TBX20: variants seen among roughly 807,000 people sequenced by gnomAD.
TBX20 encodes T-box transcription factor 20.
TBX20 carries 8 observed loss-of-function variants against 42.9 expected under a neutral mutation model. The ratio of observed to expected loss-of-function variants is 0.19; its 90% CI spans 0.11 to 0.34. The LOEUF is 0.34. Ranked by LOEUF, TBX20 falls within the 10% of genes least tolerant of loss-of-function variation. The probability of loss-of-function intolerance (pLI) is 1.00; values close to 1 mark genes in which losing one functional copy is unlikely to be tolerated. For synonymous variants in TBX20, 198 were observed against 222.8 expected (o/e 0.89, Z 0.99); for missense variants, 411 against 566.0 (o/e 0.73, Z 2.78).
At chr7:35,242,141 C>T (rs1387431671) in intron 4 of TBX20, among the ~76,000 whole-genome samples, 1 of 152,104 alleles carries the variant, frequency 6.6e-6, no homozygotes, top group East Asian at 1.9e-4. Flanking sequence ...TCTTGGCTAA[C>T]CTGGGCAAGG....
At chr7:35,238,445 C>T (rs555271826) in intron 5 of TBX20, among the ~76,000 whole-genome samples, 1 of 152,282 alleles carries the variant, frequency 6.6e-6, no homozygotes, top group African/African-American at 2.4e-5. Context: ...ATGATAAAAG[C>T]AATGAGGTTT....
At chr7:35,214,270 C>G (rs1397694796) in intron 6 of TBX20, among the ~76,000 whole-genome samples, 1 of 152,090 alleles carries the variant, frequency 6.6e-6, no homozygotes, top group African/African-American at 2.4e-5. Context: ...TGACTGAATG[C>G]TAAAGTCGGT....
intron 6 of TBX20, among the ~76,000 whole-genome samples, chr7:35,210,190 C>T (rs1202570852): frequency 6.6e-6 from 1 of 150,562 alleles, no homozygotes; most frequent in Non-Finnish European, 1.5e-5. Flanking sequence ...TCTCAGCTCA[C>T]TGCAAGCTCT....
At chr7:35,251,610 C>A (rs746556538) in intron 1 of TBX20, among the ~76,000 whole-genome samples, 7 of 152,190 alleles carry the variant, frequency 4.6e-5, no homozygotes, top group Middle Eastern at 3.4e-3. Context: ...AAGAGGCAAA[C>A]TCCCTAAGCC....
At chr7:35,253,466 C>T in intron 1 of TBX20, 28 bp downstream of exon 1, 4 of 1,600,734 alleles carry the variant, frequency 2.5e-6, no homozygotes, top group Non-Finnish European at 3.4e-6. Flanking sequence ...CCCCAGTCCT[C>T]GGCGGACAGC....
intron 6 of TBX20, among the ~76,000 whole-genome samples, chr7:35,225,261 AAATGT>A (rs1789749680): frequency 6.6e-6 from 1 of 152,212 alleles, no homozygotes; most frequent in African/African-American, 2.4e-5. Context: ...TTTCCAATAA[AAATGT>A]AATGTGAGTC....
At chr7:35,215,295 T>G (rs1376079365) in intron 6 of TBX20, among the ~76,000 whole-genome samples, 3 of 152,206 alleles carry the variant, frequency 2.0e-5, no homozygotes, top group East Asian at 3.8e-4. Flanking sequence ...AATTATTGCC[T>G]AAGTGATTGA....
At chr7:35,223,781 G>A (rs1239958033) in intron 6 of TBX20, among the ~76,000 whole-genome samples, 3 of 152,030 alleles carry the variant, frequency 2.0e-5, no homozygotes, top group East Asian at 1.9e-4. Context: ...GAAAGAAATG[G>A]GAAAAGAGAA....
chr7:35,235,650 G>A (rs1411153062), intron 5 of TBX20, among the ~76,000 whole-genome samples: 1 of 152,144 alleles, frequency 6.6e-6, no homozygotes, highest in Non-Finnish European at 1.5e-5. Flanking sequence ...TACTAATTCA[G>A]TCCAAAACAC....
intron 6 of TBX20, among the ~76,000 whole-genome samples, chr7:35,209,613 G>A (rs772822366): frequency 4.6e-5 from 7 of 151,752 alleles, no homozygotes; most frequent in Non-Finnish European, 8.8e-5. Flanking sequence ...TCTACTTTTT[G>A]TTCATTGATT....
intron 6 of TBX20, among the ~76,000 whole-genome samples, chr7:35,229,342 G>A (rs1329063338): frequency 6.6e-6 from 1 of 152,016 alleles, no homozygotes; most frequent in African/African-American, 2.4e-5. Context: ...ACTGACTCCA[G>A]ACTAATTTAA....
At chr7:35,250,343 G>A in intron 1 of TBX20, 140 bp from the exon 2 acceptor site, 5 of 1,039,554 alleles carry the variant, frequency 4.8e-6, no homozygotes, top group South Asian at 4.2e-5. Context: ...CTGTAGGGAT[G>A]ACCCATCATC....
At chr7:35,250,249 A>G in intron 1 of TBX20, 46 bp from the exon 2 acceptor site, 3 of 1,597,928 alleles carry the variant, frequency 1.9e-6, no homozygotes, top group Non-Finnish European at 1.7e-6. Flanking sequence ...CTGTTCAACA[A>G]GGAAAGATCT....
Position 35,204,570 on chromosome 7 carries a change from C to T in TBX20, c.903G>A (p.Glu301=). 1.9e-6 allele frequency: 3 copies of T among 1,613,422 alleles called. No individual in the cohort carries two copies. Among genetic ancestry groups the T allele is most frequent in the Non-Finnish European group, 2.5e-6 (3 of 1,179,462 alleles). The change falls in exon 7 of 8, where the codon GAG becomes GAA. Residue 301 remains glutamate, a synonymous_variant. Transcript: ENST00000408931. ...RLTDIERESV[E]SLIQKHSYAR... ...CATAGGAATGCTTTTGAATCAGGCT[C>T]TCCACACTTTCCCTAGGTTAGAGTG...
intron 5 of TBX20, among the ~76,000 whole-genome samples, chr7:35,237,043 C>G (rs1295176332): frequency 1.3e-5 from 2 of 151,498 alleles, no homozygotes; most frequent in African/African-American, 4.8e-5. Flanking sequence ...TCAGTGGTCA[C>G]TTCCTTGGCC....
In TBX20 at chr7:35,204,022, A is replaced by G. The variant is rs558184337; in HGVS notation, c.1003+448T>C. Among the ~76,000 whole-genome samples the G allele has an allele frequency of 2.6e-5, 4 of 152,310 alleles. No homozygotes were observed. The South Asian group carries it at 8.3e-4, about 32-fold the overall frequency. On this transcript the variant is annotated intron_variant, in intron 7 of 7. Transcript: ENST00000408931. ...CTATGTAATATCCTTCATTAGGACA[A>G]TCCTCTTTTAAAAGTGTTTTCTATT...
At chr7:35,232,099 C>T (rs1357292417) in intron 5 of TBX20, among the ~76,000 whole-genome samples, 2 of 152,270 alleles carry the variant, frequency 1.3e-5, no homozygotes, top group Non-Finnish European at 2.9e-5. Flanking sequence ...TATTGATATA[C>T]ATGACATAAA....
chr7:35,249,085 A>G lies in TBX20; in HGVS notation c.381-244T>C, dbSNP rs1790253914. On this transcript the variant is annotated intron_variant, in intron 2 of 7. Transcript: ENST00000408931. This position sits in a 1 kb window ranked among gnomAD's most constrained non-coding sequence, Gnocchi z 4.3. The stretch of plus-strand genomic sequence containing the variant: ...TAAGCAGGTGTTAATTGCTAGGTGA[A>G]AAGGTGGGGGTGGGGGTGGGGGTAT... Among the ~76,000 whole-genome samples, 1 of 116,822 alleles carries G rather than the reference A, an allele frequency of 8.6e-6. No individual in the cohort carries two copies. Among genetic ancestry groups the G allele is most frequent in the African/African-American group, 3.3e-5 (1 of 30,414 alleles). The allele number at this position is 116,822 out of a possible 152,430, so 76.6% of individuals were successfully genotyped here.
chr7:35,249,599 C>T lies in TBX20; in HGVS notation c.380+352G>A, dbSNP rs1221841535. Among the ~76,000 whole-genome samples, 6 of 152,206 alleles carry T rather than the reference C, an allele frequency of 3.9e-5. No homozygotes were observed. The highest frequency in any genetic ancestry group is 7.3e-5 in the Non-Finnish European group (5 of 68,040). The stretch of plus-strand genomic sequence containing the variant: ...TAGAAGCACCCAGCAGCTCACCAGG[C>T]ACCCAGGCACAAATTCCTCCTCCTT... On this transcript the variant is annotated intron_variant, in intron 2 of 7. Transcript: ENST00000408931. This position sits in a 1 kb window ranked among gnomAD's most constrained non-coding sequence, Gnocchi z 4.3.
Sources: allele counts gnomAD v4.1 joint callset (sites outside exome capture counted in the v4.1 genomes callset), GRCh38; gene constraint gnomAD v4.1.1; non-coding constraint Gnocchi (gnomAD v3.1); transcripts MANE v1.5; gene names NCBI Gene and HGNC (gene_info 2026-07-23, HGNC 2026-07-21).